The following ANKS1A variants were observed in gnomAD, a reference collection of about 807,000 sequenced individuals.
ANKS1A encodes the protein ankyrin repeat and SAM domain-containing protein 1A.
In ANKS1A, 55 loss-of-function variants were observed where a neutral mutation model predicts 120.3. The ratio of observed to expected loss-of-function variants is 0.46; its 90% CI spans 0.37 to 0.57. ANKS1A has a LOEUF of 0.57. ANKS1A is among the 20% of genes least tolerant of loss of function. The pLI, the probability that ANKS1A is intolerant of heterozygous loss-of-function variation, is 0.00. For synonymous variants in ANKS1A, 590 were observed against 604.7 expected (o/e 0.98, Z 0.36); for missense variants, 1,123 against 1,480.3 (o/e 0.76, Z 3.96).
chr6:34,941,983 T>C (rs553011673), intron 1 of ANKS1A, among the ~76,000 whole-genome samples: 1 of 152,320 alleles, frequency 6.6e-6, no homozygotes, highest in South Asian at 2.1e-4. Flanking sequence ...TAATTAGAGG[T>C]TAATAATATC....
intron 1 of ANKS1A, among the ~76,000 whole-genome samples, chr6:34,940,134 T>G (rs950151560): frequency 1.3e-5 from 2 of 152,240 alleles, no homozygotes; most frequent in Admixed American, 1.3e-4. Flanking sequence ...TATTTTGCAC[T>G]GTCTGATGAG....
At chr6:35,069,191 GA>G (rs2127597170) in intron 13 of ANKS1A, among the ~76,000 whole-genome samples, 2 of 152,292 alleles carry the variant, frequency 1.3e-5, no homozygotes, top group South Asian at 4.1e-4. Flanking sequence ...GGAGACCCAA[GA>G]GTGGGAAGAG....
At chr6:35,068,480 C>G (rs1311902465) in intron 13 of ANKS1A, among the ~76,000 whole-genome samples, 1 of 152,316 alleles carries the variant, frequency 6.6e-6, no homozygotes, top group East Asian at 1.9e-4. Context: ...AAACTCAATC[C>G]AGCAAGGGTG....
chr6:35,086,013 G>A lies in ANKS1A; in HGVS notation c.3303+77G>A. On this transcript the variant is annotated intron_variant, in intron 22 of 23. Transcript: ENST00000360359. This position sits in a 1 kb window ranked among gnomAD's most constrained non-coding sequence, Gnocchi z 5.1. ...AAGGGCTCAGGGTGGTCAGCGTGAG[G>A]AGGGTCTTCTGGCACTTCCAGAAAG... 6.7e-7 allele frequency: 1 copy of A among 1,482,730 alleles called. No homozygotes were observed. Among genetic ancestry groups the A allele is most frequent in the Non-Finnish European group, 8.9e-7 (1 of 1,121,340 alleles). 91.8% of individuals were successfully genotyped at this position (1,482,730 alleles called of 1,614,324 possible).
At chr6:34,925,489 A>G (rs1484789307) in intron 1 of ANKS1A, among the ~76,000 whole-genome samples, 1 of 152,226 alleles carries the variant, frequency 6.6e-6, no homozygotes, top group African/African-American at 2.4e-5. Context: ...ACCCGGGGTA[A>G]GTGAGTAGCC....
intron 12 of ANKS1A, among the ~76,000 whole-genome samples, chr6:35,055,635 C>G (rs1219148318): frequency 6.6e-6 from 1 of 152,120 alleles, no homozygotes; most frequent in Non-Finnish European, 1.5e-5. Context: ...GCCCTGTGTT[C>G]CTTTTGTCCA....
At chr6:34,922,389 T>C (rs915812080) in intron 1 of ANKS1A, among the ~76,000 whole-genome samples, 2 of 152,184 alleles carry the variant, frequency 1.3e-5, no homozygotes, top group Non-Finnish European at 2.9e-5. Context: ...TACTACATTG[T>C]ACTGTCAGGG....
chr6:34,895,963 A>G lies in ANKS1A; in HGVS notation c.197+6364A>G, dbSNP rs539239889. ...CGTATTTTAGTAGGGACGGGATTTC[A>G]CTGTGTTGCCCAGGCTGGTCTCGAA... On this transcript the variant is annotated intron_variant, in intron 1 of 23. Coordinates refer to ENST00000360359, the MANE Select transcript of ANKS1A (RefSeq NM_015245.3). 4.1e-4 allele frequency among the ~76,000 whole-genome samples: 61 copies of G among 149,914 alleles called. 1 individual carries two copies. The highest frequency in any genetic ancestry group is 1.5e-3 in the African/African-American group (60 of 40,726).
At position 35,085,074 on chromosome 6, in the gene ANKS1A, C is replaced by G. The variant is rs552343935; in HGVS notation, c.3133-692C>G. Among the ~76,000 whole-genome samples, 60 of 152,294 alleles carry G rather than the reference C, an allele frequency of 3.9e-4. No homozygotes were observed. The highest frequency in any genetic ancestry group is 1.7e-3 in the Admixed American group (26 of 15,298). ...CCCACACTCCTGGGACCTCATCCAC[C>G]CCAGTCCTCTGTTTGCTCTGGGCCA... On this transcript the variant is annotated intron_variant, in intron 21 of 23. Coordinates refer to ENST00000360359, the MANE Select transcript of ANKS1A (RefSeq NM_015245.3). The surrounding 1 kb of genome is among the most constrained non-coding windows in gnomAD (Gnocchi z 4.7).
chr6:34,940,502 A>G (rs1482725482), intron 1 of ANKS1A, among the ~76,000 whole-genome samples: 3 of 152,232 alleles, frequency 2.0e-5, no homozygotes, highest in African/African-American at 7.2e-5. Context: ...CAGTCCATAT[A>G]CTGGAGAAAT....
chr6:34,996,975 T>C (rs1561901161), intron 10 of ANKS1A, among the ~76,000 whole-genome samples: 1 of 152,220 alleles, frequency 6.6e-6, no homozygotes. Flanking sequence ...GCAACTTTGT[T>C]ACTTTTTTCA....
At chr6:34,977,004 A>G (rs974905746) in intron 3 of ANKS1A, among the ~76,000 whole-genome samples, 1 of 152,196 alleles carries the variant, frequency 6.6e-6, no homozygotes, top group African/African-American at 2.4e-5. Context: ...CTAATATAGA[A>G]TCCATGTTCA....
intron 7 of ANKS1A, among the ~76,000 whole-genome samples, chr6:34,983,970 A>AT (rs1772049862): frequency 6.6e-6 from 1 of 151,774 alleles, no homozygotes; most frequent in Non-Finnish European, 1.5e-5. Context: ...TTGTTTTTGT[A>AT]TTTTTAGTAG....
Position 35,060,382 on chromosome 6 carries a change from G to A in ANKS1A, c.2184+129G>A. The A allele has an allele frequency of 1.3e-6, 1 of 762,470 alleles. No homozygotes were observed. Among genetic ancestry groups the A allele is most frequent in the South Asian group, 1.8e-5 (1 of 56,850 alleles). 47.2% of individuals were successfully genotyped at this position (762,470 alleles called of 1,614,324 possible). A position where few individuals can be genotyped will look rare whatever the true frequency, so the allele number is the denominator to read the frequency against. On this transcript the variant is annotated intron_variant, in intron 13 of 23. Transcript: ENST00000360359. This position sits in a 1 kb window ranked among gnomAD's most constrained non-coding sequence, Gnocchi z 4.5. ...CCAAATCCCAGGGAAAGCTCACTGA[G>A]GTCACTCAGACACCAGGAAGTCAGC... is the stretch of plus-strand genomic sequence containing the variant.
chr6:34,969,873 G>A (rs1398456577), intron 2 of ANKS1A, 137 bp from the exon 3 acceptor site: 48 of 941,450 alleles, frequency 5.1e-5, no homozygotes, highest in Non-Finnish European at 1.1e-5. Context: ...GGAAAAGCTG[G>A]GGTGGTGAGC....
intron 1 of ANKS1A, among the ~76,000 whole-genome samples, chr6:34,913,899 G>A (rs933232665): frequency 9.9e-5 from 15 of 152,130 alleles, no homozygotes; most frequent in African/African-American, 3.4e-4. Context: ...ACAGGTGTAA[G>A]TCACTGTGCC....
Position 35,082,953 on chromosome 6 carries a change from T to C in ANKS1A, c.2835+137T>C. ...GCTGTTCTCCACTCTCAGCCACTCT[T>C]GACAGCTAAGGCGAAGGGGTGGAGG... On this transcript the variant is annotated intron_variant, in intron 18 of 23. Coordinates refer to ENST00000360359, the MANE Select transcript of ANKS1A (RefSeq NM_015245.3). This position sits in a 1 kb window ranked among gnomAD's most constrained non-coding sequence, Gnocchi z 4.1. The C allele has an allele frequency of 7.0e-7, 1 of 1,433,546 alleles. No homozygotes were observed. The highest frequency in any genetic ancestry group is 1.4e-5 in the South Asian group (1 of 71,572). The allele number at this position is 1,433,546 out of a possible 1,614,324, so 88.8% of individuals were successfully genotyped here. A position where few individuals can be genotyped will look rare whatever the true frequency, so the allele number is the denominator to read the frequency against.
chr6:34,923,763 T>C (rs1768559590), intron 1 of ANKS1A, among the ~76,000 whole-genome samples: 1 of 152,112 alleles, frequency 6.6e-6, no homozygotes, highest in African/African-American at 2.4e-5. Flanking sequence ...AGGAAATGAC[T>C]CCTGAATTCA....
Position 35,082,949 on chromosome 6 carries a change from C to T in ANKS1A, c.2835+133C>T, listed in dbSNP as rs1777770005. On this transcript the variant is annotated intron_variant, in intron 18 of 23. Transcript: ENST00000360359. This position sits in a 1 kb window ranked among gnomAD's most constrained non-coding sequence, Gnocchi z 4.1. Reference sequence around the variant, plus strand: ...TTGAGCTGTTCTCCACTCTCAGCCACTCTTGACAGCTAAGGCGAAGGGGTG... The same window carrying T: ...TTGAGCTGTTCTCCACTCTCAGCCATTCTTGACAGCTAAGGCGAAGGGGTG... The T allele has an allele frequency of 2.1e-6, 3 of 1,433,756 alleles. No individual in the cohort carries two copies. Among genetic ancestry groups the T allele is most frequent in the Middle Eastern group, 1.8e-4 (1 of 5,462 alleles). The allele number at this position is 1,433,756 out of a possible 1,614,324, so 88.8% of individuals were successfully genotyped here. A position where few individuals can be genotyped will look rare whatever the true frequency, so the allele number is the denominator to read the frequency against.
Sources: gnomAD v4.1 joint callset for allele counts (sites outside exome capture counted in the v4.1 genomes callset) on GRCh38, gnomAD v4.1.1 for gene constraint, Gnocchi (gnomAD v3.1) non-coding constraint, MANE v1.5 for transcripts, NCBI Gene and HGNC (gene_info 2026-07-23, HGNC 2026-07-21) for gene names.